The following XPO6 variants were observed in gnomAD, a reference collection of about 807,000 sequenced individuals.
XPO6 encodes exportin-6.
A neutral mutation model predicts 130.0 loss-of-function variants in XPO6; 3 were observed. That is an observed-to-expected ratio of 0.02 (90% confidence interval 0.01 to 0.06). The LOEUF is 0.06. Ranked by LOEUF, XPO6 falls within the 10% of genes least tolerant of loss-of-function variation. The probability of loss-of-function intolerance (pLI) is 1.00; values close to 1 mark genes in which losing one functional copy is unlikely to be tolerated. For missense variants in XPO6, 970 were observed against 1,393.0 expected, an observed-to-expected ratio of 0.70 and a Z score of 4.83; for synonymous variants, 524 against 548.9, an observed-to-expected ratio of 0.95 and a Z score of 0.63.
At chr16:28,180,623 G>A (rs117927534) in intron 2 of XPO6, among the ~76,000 whole-genome samples, 1,960 of 152,094 alleles carry the variant, frequency 0.013, 48 homozygotes, top group East Asian at 0.096. Flanking sequence ...CTTGAGGCCA[G>A]GAGTTCAAGA....
intron 1 of XPO6, among the ~76,000 whole-genome samples, chr16:28,209,922 T>A (rs568506179): frequency 6.6e-6 from 1 of 152,132 alleles, no homozygotes. Flanking sequence ...ACGGATCACT[T>A]GAGCTCAGGT....
At chr16:28,184,242 T>C (rs888829270) in intron 1 of XPO6, among the ~76,000 whole-genome samples, 1 of 152,214 alleles carries the variant, frequency 6.6e-6, no homozygotes, top group East Asian at 1.9e-4. Flanking sequence ...CATTAATTTA[T>C]GAAGAATAAG....
chr16:28,133,991 A>G, intron 10 of XPO6, 58 bp from the exon 11 acceptor site: 1 of 1,528,572 alleles, frequency 6.5e-7, no homozygotes, highest in Admixed American at 1.7e-5. Flanking sequence ...TTCCTTGCCA[A>G]CCTCAAGACC....
chr16:28,118,407 C>A (rs536417909), intron 14 of XPO6, among the ~76,000 whole-genome samples: 19 of 152,228 alleles, frequency 1.2e-4, no homozygotes, highest in Non-Finnish European at 2.5e-4. Context: ...GTTGCTCAGG[C>A]TGGCATGCAG....
intron 14 of XPO6, among the ~76,000 whole-genome samples, chr16:28,120,280 G>C (rs911524646): frequency 6.6e-6 from 1 of 152,126 alleles, no homozygotes; most frequent in Non-Finnish European, 1.5e-5. Context: ...GGGTCCATGG[G>C]TGCTTATTCG....
chr16:28,200,232 C>T (rs1326527481), intron 1 of XPO6, among the ~76,000 whole-genome samples: 1 of 151,992 alleles, frequency 6.6e-6, no homozygotes, highest in African/African-American at 2.4e-5. Context: ...CAACGATTTT[C>T]CTTCCAGCTC....
chr16:28,129,431 A>G (rs1251884087), intron 12 of XPO6, among the ~76,000 whole-genome samples: 1 of 152,224 alleles, frequency 6.6e-6, no homozygotes, highest in African/African-American at 2.4e-5. Flanking sequence ...AGCACAGGAC[A>G]TCTGCAAGGT....
At chr16:28,193,866 C>T (rs974094454) in intron 1 of XPO6, among the ~76,000 whole-genome samples, 2 of 152,152 alleles carry the variant, frequency 1.3e-5, no homozygotes, top group African/African-American at 4.8e-5. Flanking sequence ...CAGGCACCAG[C>T]CCAAAGCCAA....
intron 12 of XPO6, among the ~76,000 whole-genome samples, chr16:28,131,381 G>A (rs1478698493): frequency 6.6e-6 from 1 of 152,186 alleles, no homozygotes; most frequent in Admixed American, 6.5e-5. Flanking sequence ...GCTCTGTGCT[G>A]GGCTGAAACA....
intron 14 of XPO6, among the ~76,000 whole-genome samples, chr16:28,118,869 G>A (rs1376938521): frequency 6.6e-6 from 1 of 152,120 alleles, no homozygotes; most frequent in African/African-American, 2.4e-5. Context: ...CACCCCCCCA[G>A]ACTTGAGCTT....
At chr16:28,129,684 C>A (rs548143405) in intron 12 of XPO6, among the ~76,000 whole-genome samples, 3 of 152,266 alleles carry the variant, frequency 2.0e-5, no homozygotes, top group African/African-American at 7.2e-5. Context: ...AGGCATTTCC[C>A]TCTGAGAGAA....
intron 6 of XPO6, among the ~76,000 whole-genome samples, chr16:28,160,721 GA>G (rs2043264797): frequency 6.6e-6 from 1 of 152,056 alleles, no homozygotes; most frequent in African/African-American, 2.4e-5. Context: ...TTGGGTTTCA[GA>G]AGTCCTCACT....
intron 1 of XPO6, among the ~76,000 whole-genome samples, chr16:28,188,889 G>C (rs991601383): frequency 6.6e-6 from 1 of 152,056 alleles, no homozygotes; most frequent in South Asian, 2.1e-4. Flanking sequence ...ACGACATTCA[G>C]AACAATGCTT....
At chr16:28,166,278 C>T (rs1293688721) in intron 6 of XPO6, among the ~76,000 whole-genome samples, 1 of 152,066 alleles carries the variant, frequency 6.6e-6, no homozygotes, top group Non-Finnish European at 1.5e-5. Flanking sequence ...CCATGACATT[C>T]AGGAAAAATA....
intron 17 of XPO6, among the ~76,000 whole-genome samples, chr16:28,110,770 T>C (rs1020397284): frequency 6.6e-6 from 1 of 152,210 alleles, no homozygotes; most frequent in African/African-American, 2.4e-5. Flanking sequence ...AAGAACTGAA[T>C]GAATTACTGA....
chr16:28,162,475 C>T (rs536252118), intron 6 of XPO6, among the ~76,000 whole-genome samples: 9 of 152,120 alleles, frequency 5.9e-5, no homozygotes, highest in Admixed American at 3.3e-4. Flanking sequence ...GGCAGCGATA[C>T]GCACCAATGC....
At chr16:28,188,346 A>G (rs1486999482) in intron 1 of XPO6, among the ~76,000 whole-genome samples, 1 of 152,186 alleles carries the variant, frequency 6.6e-6, no homozygotes. Context: ...TGGGTCTCCT[A>G]TATTCAGGTT....
intron 16 of XPO6, 114 bp from the exon 17 acceptor site, chr16:28,112,120 G>T: frequency 7.7e-7 from 1 of 1,303,502 alleles, no homozygotes; most frequent in Non-Finnish European, 1.0e-6. Context: ...CTAGCCCCCA[G>T]GCTCGTTTCT....
chr16:28,107,963 G>T (rs2086823910), intron 17 of XPO6, among the ~76,000 whole-genome samples: 1 of 152,046 alleles, frequency 6.6e-6, no homozygotes, highest in Non-Finnish European at 1.5e-5. Flanking sequence ...TTTGCCTCTG[G>T]CCATTGGCAA....
Sources: gnomAD v4.1 joint callset for allele counts (sites outside exome capture counted in the v4.1 genomes callset) on GRCh38, gnomAD v4.1.1 for gene constraint, MANE v1.5 for transcripts, NCBI Gene and HGNC (gene_info 2026-07-23, HGNC 2026-07-21) for gene names.